Variants in MACROD1 observed in about 807,000 individuals in gnomAD.
MACROD1 encodes the protein mono-ADP ribosylhydrolase 1.
Under a neutral mutation model 41.4 loss-of-function variants are expected in MACROD1, and 31 were observed. The observed-to-expected ratio is 0.75, with a 90% CI of 0.56 to 1.01. The LOEUF is 1.01. MACROD1 is among the 50% of genes least tolerant of loss of function. The probability of loss-of-function intolerance (pLI) is 0.00; values close to 1 mark genes in which losing one functional copy is unlikely to be tolerated. For synonymous variants in MACROD1, 252 were observed against 203.4 expected, an observed-to-expected ratio of 1.24 and a Z score of -2.03; for missense variants, 473 against 460.0, an observed-to-expected ratio of 1.03 and a Z score of -0.26.
chr11:64,128,496 G>A (rs1393834236), intron 3 of MACROD1, among the ~76,000 whole-genome samples: 5 of 152,108 alleles, frequency 3.3e-5, no homozygotes, highest in South Asian at 2.1e-4. Flanking sequence ...CACAGAGGAC[G>A]CTTCCACGGA....
chr11:64,091,857 A>G (rs1415900475), intron 3 of MACROD1, among the ~76,000 whole-genome samples: 1 of 152,140 alleles, frequency 6.6e-6, no homozygotes, highest in Non-Finnish European at 1.5e-5. Flanking sequence ...CAAAGGCAGG[A>G]GCACCAGAGC....
At chr11:64,149,771 A>G (rs118189587) in intron 3 of MACROD1, among the ~76,000 whole-genome samples, 2,893 of 152,338 alleles carry the variant, frequency 0.019, 204 homozygotes, top group Admixed American at 0.14. Flanking sequence ...CCTCAGCCAC[A>G]GCCCCAAGGC....
chr11:64,043,444 CGCCTGGTT>C (rs1173112921), intron 3 of MACROD1, among the ~76,000 whole-genome samples: 2 of 152,162 alleles, frequency 1.3e-5, no homozygotes, highest in African/African-American at 4.8e-5. Context: ...GGACTCTAAA[CGCCTGGTT>C]GTGACAAAAG....
intron 3 of MACROD1, among the ~76,000 whole-genome samples, chr11:64,089,762 C>G (rs1440547886): frequency 6.6e-6 from 1 of 152,098 alleles, no homozygotes; most frequent in Non-Finnish European, 1.5e-5. Context: ...CTGCCAGTCC[C>G]GTGGGGGCAG....
At chr11:64,027,605 C>T (rs1471396230) in intron 3 of MACROD1, among the ~76,000 whole-genome samples, 2 of 152,110 alleles carry the variant, frequency 1.3e-5, no homozygotes, top group African/African-American at 4.8e-5. Context: ...CCACCCTCTG[C>T]AGGAAGCTGG....
intron 4 of MACROD1, chr11:64,009,181 C>A (rs563875899): frequency 1.3e-5 from 2 of 152,106 alleles, no homozygotes; most frequent in Non-Finnish European, 2.9e-5. Context: ...AGGGCTCTGT[C>A]GATTCCCATC....
intron 3 of MACROD1, among the ~76,000 whole-genome samples, chr11:64,038,254 G>A (rs548502933): frequency 6.6e-6 from 1 of 152,230 alleles, no homozygotes. Context: ...CCTGGTGGCT[G>A]AGCCTGTGTC....
intron 3 of MACROD1, among the ~76,000 whole-genome samples, chr11:64,017,710 G>C (rs753972449): frequency 6.6e-6 from 1 of 152,128 alleles, no homozygotes; most frequent in Non-Finnish European, 1.5e-5. Flanking sequence ...CTCAGGTCTC[G>C]GTCCAGCTCC....
At chr11:64,027,253 C>T (rs926728435) in intron 3 of MACROD1, among the ~76,000 whole-genome samples, 1 of 152,210 alleles carries the variant, frequency 6.6e-6, no homozygotes, top group African/African-American at 2.4e-5. Context: ...CCTTCTCCCA[C>T]AGTCATGGGG....
intron 3 of MACROD1, among the ~76,000 whole-genome samples, chr11:64,077,841 T>C (rs1944231744): frequency 6.6e-6 from 1 of 152,212 alleles, no homozygotes; most frequent in Non-Finnish European, 1.5e-5. Flanking sequence ...CCTTTGGCTA[T>C]GGGTGGGCTT....
chr11:64,142,575 C>T (rs1006593003), intron 3 of MACROD1, among the ~76,000 whole-genome samples: 2 of 152,182 alleles, frequency 1.3e-5, no homozygotes, highest in African/African-American at 4.8e-5. Flanking sequence ...CCAGACCCTG[C>T]GAGCCCACAA....
At chr11:64,131,619 C>T (rs1378632795) in intron 3 of MACROD1, among the ~76,000 whole-genome samples, 1 of 152,160 alleles carries the variant, frequency 6.6e-6, no homozygotes, top group Non-Finnish European at 1.5e-5. Context: ...AGCCACCGCG[C>T]CCAGCCCCTC....
At chr11:64,093,215 G>A (rs575610269) in intron 3 of MACROD1, among the ~76,000 whole-genome samples, 46 of 152,314 alleles carry the variant, frequency 3.0e-4, no homozygotes, top group African/African-American at 8.9e-4. Context: ...AACACAGGGC[G>A]GCCACTACTG....
intron 4 of MACROD1, among the ~76,000 whole-genome samples, chr11:64,006,937 C>T (rs565096042): frequency 1.3e-5 from 2 of 152,276 alleles, no homozygotes; most frequent in South Asian, 4.1e-4. Context: ...GCCTGGCTGC[C>T]GTTGGCACCA....
intron 3 of MACROD1, among the ~76,000 whole-genome samples, chr11:64,073,082 C>T (rs1347032558): frequency 6.6e-6 from 1 of 152,190 alleles, no homozygotes; most frequent in African/African-American, 2.4e-5. Flanking sequence ...TGTCCCTGCT[C>T]CAGGGTGCCC....
chr11:64,034,976 C>A (rs1297821601), intron 3 of MACROD1, among the ~76,000 whole-genome samples: 1 of 152,194 alleles, frequency 6.6e-6, no homozygotes, highest in East Asian at 1.9e-4. Context: ...CTAAACACTC[C>A]CTCACCCCAC....
At chr11:64,039,743 G>A (rs1034073709) in intron 3 of MACROD1, among the ~76,000 whole-genome samples, 6 of 152,210 alleles carry the variant, frequency 3.9e-5, no homozygotes, top group South Asian at 2.1e-4. Context: ...GAGCACTGCC[G>A]CTCCCCGGGG....
chr11:64,042,528 C>T (rs1565206218), intron 3 of MACROD1, among the ~76,000 whole-genome samples: 2 of 152,174 alleles, frequency 1.3e-5, no homozygotes, highest in Admixed American at 6.5e-5. Context: ...CCCAGGGAGC[C>T]AGCAGTCAGG....
rs1385281948 is a variant in MACROD1, at chr11:64,067,551, G to A, written c.518-52270C>T. On this transcript the variant is annotated intron_variant, in intron 3 of 10. Coordinates refer to ENST00000255681, the MANE Select transcript of MACROD1 (RefSeq NM_014067.4). This position sits in a 1 kb window ranked among gnomAD's most constrained non-coding sequence, Gnocchi z 4.6. Reference sequence around the variant, plus strand: ...CCAGCCCCTCCCCCTGGGGCTCAGGGACCCAAAGCAGGGACCAGGACCCAG... The same window carrying A: ...CCAGCCCCTCCCCCTGGGGCTCAGGAACCCAAAGCAGGGACCAGGACCCAG... Among the ~76,000 whole-genome samples, 1 of 152,104 alleles carries A rather than the reference G, an allele frequency of 6.6e-6. No individual in the cohort carries two copies. The highest frequency in any genetic ancestry group is 6.5e-5 in the Admixed American group (1 of 15,278).
Sources: gnomAD v4.1 joint callset for allele counts (sites outside exome capture counted in the v4.1 genomes callset) on GRCh38, gnomAD v4.1.1 for gene constraint, Gnocchi (gnomAD v3.1) non-coding constraint, MANE v1.5 for transcripts, NCBI Gene and HGNC (gene_info 2026-07-23, HGNC 2026-07-21) for gene names.